ABHD2: variants seen among roughly 807,000 people sequenced by gnomAD.
The protein encoded by ABHD2 is monoacylglycerol lipase ABHD2.
In ABHD2, 20 loss-of-function variants were observed where a neutral mutation model predicts 48.1. That is an observed-to-expected ratio of 0.42 (90% CI 0.29 to 0.60). ABHD2 has a LOEUF of 0.60. Ranked by LOEUF, ABHD2 falls within the 20% of genes least tolerant of loss-of-function variation. ABHD2 has a pLI of 0.24. For missense variants in ABHD2, 405 were observed against 550.9 expected, an observed-to-expected ratio of 0.74 and a Z score of 2.65; for synonymous variants, 209 against 214.2, an observed-to-expected ratio of 0.98 and a Z score of 0.21.
At chr15:89,096,021 C>G (rs1386493822) in intron 1 of ABHD2, among the ~76,000 whole-genome samples, 1 of 152,158 alleles carries the variant, frequency 6.6e-6, no homozygotes, top group Non-Finnish European at 1.5e-5. Flanking sequence ...ATGAGAGCAT[C>G]ATGTGAAGTC....
chr15:89,109,159 G>C (rs1281900439), intron 1 of ABHD2, among the ~76,000 whole-genome samples: 1 of 152,180 alleles, frequency 6.6e-6, no homozygotes, highest in African/African-American at 2.4e-5. Context: ...AATGCTTTTA[G>C]CCAGGGGAGA....
At chr15:89,149,204 A>G (rs931886846) in intron 3 of ABHD2, among the ~76,000 whole-genome samples, 1 of 138,524 alleles carries the variant, frequency 7.2e-6, no homozygotes, top group Non-Finnish European at 1.5e-5. Flanking sequence ...TTGTGAGGCA[A>G]TTGATCCCTA....
chr15:89,165,478 C>A (rs774989897), intron 5 of ABHD2, among the ~76,000 whole-genome samples: 3 of 151,928 alleles, frequency 2.0e-5, no homozygotes, highest in Non-Finnish European at 4.4e-5. Flanking sequence ...TTGTGCCAAG[C>A]GAGGTGGCAT....
intron 6 of ABHD2, among the ~76,000 whole-genome samples, chr15:89,178,998 AAGAT>A (rs1372440570): frequency 1.2e-4 from 18 of 152,244 alleles, no homozygotes; most frequent in Admixed American, 1.2e-3. Flanking sequence ...TTGGGTGTAA[AAGAT>A]AGTCTGTATC....
chr15:89,059,084 A>G, the ABHD2 span, among the ~76,000 whole-genome samples: 1 of 152,290 alleles, frequency 6.6e-6, no homozygotes, highest in South Asian at 2.1e-4. Flanking sequence ...TGCTCTGAGG[A>G]CCTGACAAGA....
rs1173462508 is a variant in ABHD2, at chr15:89,176,898, G to T, written c.722+903G>T. On this transcript the variant is annotated intron_variant, in intron 6 of 10. Coordinates refer to ENST00000352732, the MANE Select transcript of ABHD2 (RefSeq NM_152924.5). This position sits in a 1 kb window ranked among gnomAD's most constrained non-coding sequence, Gnocchi z 4.5. ...TTATCGTTATTCAAAGAATCTTTTTGCCTCACCTGTATATCTCATGCTGCA... is the reference window on the plus strand; with the variant it reads ...TTATCGTTATTCAAAGAATCTTTTTTCCTCACCTGTATATCTCATGCTGCA... 6.6e-6 allele frequency among the ~76,000 whole-genome samples: 1 copy of T among 152,068 alleles called. No individual in the cohort carries two copies. Among genetic ancestry groups the T allele is most frequent in the Non-Finnish European group, 1.5e-5 (1 of 68,018 alleles).
intron 3 of ABHD2, among the ~76,000 whole-genome samples, chr15:89,134,776 G>A (rs976473564): frequency 6.6e-5 from 10 of 152,098 alleles, no homozygotes; most frequent in Non-Finnish European, 8.8e-5. Flanking sequence ...CTTTGAGCCC[G>A]AAAGAGCATT....
In ABHD2 at chr15:89,185,600, T is replaced by C; in HGVS notation, c.815+84T>C. 8.1e-7 allele frequency: 1 copy of C among 1,231,400 alleles called. No homozygotes were observed. Among genetic ancestry groups the C allele is most frequent in the Non-Finnish European group, 1.2e-6 (1 of 850,640 alleles). The allele number at this position is 1,231,400 out of a possible 1,614,324, so 76.3% of individuals were successfully genotyped here. ...GAACCGTGAAAAGCCAGGACTCCTG[T>C]TCCTTCAGGGGAAAAAAAAAAATGC... On this transcript the variant is annotated intron_variant, in intron 7 of 10. Transcript: ENST00000352732. This position sits in a 1 kb window ranked among gnomAD's most constrained non-coding sequence, Gnocchi z 5.9.
the ABHD2 span, among the ~76,000 whole-genome samples, chr15:89,045,929 C>T: frequency 6.6e-6 from 1 of 152,204 alleles, no homozygotes; most frequent in Non-Finnish European, 1.5e-5. Context: ...ACTTCCAACA[C>T]TATGTTGAAT....
In ABHD2 at chr15:89,151,191, A is replaced by T. The variant is rs1300672387; in HGVS notation, c.195-486A>T. ...AGAAGAATTTGCAGCCCTTCCCAGC[A>T]CTAACTGAGAGTAGCAGGTTTGGCT... On this transcript the variant is annotated intron_variant, in intron 3 of 10. Coordinates refer to ENST00000352732, the MANE Select transcript of ABHD2 (RefSeq NM_152924.5). The surrounding 1 kb of genome is among the most constrained non-coding windows in gnomAD (Gnocchi z 4.7). Among the ~76,000 whole-genome samples, 1 of 152,212 alleles carries T rather than the reference A, an allele frequency of 6.6e-6. No homozygotes were observed. Among genetic ancestry groups the T allele is most frequent in the Admixed American group, 6.5e-5 (1 of 15,284 alleles).
intron 3 of ABHD2, among the ~76,000 whole-genome samples, chr15:89,138,381 C>A (rs941522212): frequency 6.6e-6 from 1 of 152,218 alleles, no homozygotes; most frequent in Non-Finnish European, 1.5e-5. Context: ...AAAAATGTAT[C>A]CCCAAATCAA....
the ABHD2 span, among the ~76,000 whole-genome samples, chr15:89,050,046 G>C: frequency 1.3e-5 from 2 of 152,182 alleles, no homozygotes; most frequent in Non-Finnish European, 2.9e-5. Flanking sequence ...CATAGGTCTA[G>C]TCTAAGACTC....
chr15:89,069,199 C>G, the ABHD2 span, among the ~76,000 whole-genome samples: 1 of 149,636 alleles, frequency 6.7e-6, no homozygotes. Context: ...AATCATAGCT[C>G]ACTGCAGCCT....
the ABHD2 span, among the ~76,000 whole-genome samples, chr15:89,046,768 A>G: frequency 3.3e-5 from 5 of 151,724 alleles, no homozygotes; most frequent in Admixed American, 2.0e-4. Context: ...TTTTTATTGC[A>G]TCTATTTGAT....
rs900916069 is a variant in ABHD2, at chr15:89,094,687, G to A, written c.-107+6124G>A. Among the ~76,000 whole-genome samples the A allele has an allele frequency of 6.6e-6, 1 of 151,944 alleles. No individual in the cohort carries two copies. On this transcript the variant is annotated intron_variant, in intron 1 of 10. Transcript: ENST00000352732. This position sits in a 1 kb window ranked among gnomAD's most constrained non-coding sequence, Gnocchi z 4.7. The stretch of plus-strand genomic sequence containing the variant: ...CGCACCACTGCACTCCAGCCTGGGC[G>A]GCAGAGCAAGACTCCGTCTCAAAAC...
At chr15:89,125,698 C>T (rs1473369587) in intron 3 of ABHD2, among the ~76,000 whole-genome samples, 1 of 152,222 alleles carries the variant, frequency 6.6e-6, no homozygotes, top group Non-Finnish European at 1.5e-5. Context: ...ACCCTCTCAA[C>T]TACTCACTAT....
Position 89,195,155 on chromosome 15 carries a change from G to C in ABHD2, c.1082-72G>C, listed in dbSNP as rs2051377094. On this transcript the variant is annotated intron_variant, in intron 10 of 10. Coordinates refer to ENST00000352732, the MANE Select transcript of ABHD2 (RefSeq NM_152924.5). The surrounding 1 kb of genome is among the most constrained non-coding windows in gnomAD (Gnocchi z 5.1). ...GGGGACAGCCAGGCTACCCTAGCCAGCTCACCTCTGCACCTCCTGTCCTGG... is the reference window on the plus strand; with the variant it reads ...GGGGACAGCCAGGCTACCCTAGCCACCTCACCTCTGCACCTCCTGTCCTGG... 5 of 1,540,158 alleles carry C rather than the reference G, an allele frequency of 3.2e-6. No homozygotes were observed. Among genetic ancestry groups the C allele is most frequent in the Non-Finnish European group, 4.4e-6 (5 of 1,138,760 alleles).
the ABHD2 span, among the ~76,000 whole-genome samples, chr15:89,052,796 G>A: frequency 2.6e-5 from 4 of 152,084 alleles, no homozygotes; most frequent in Admixed American, 6.5e-5. Flanking sequence ...TGTGGTTTAA[G>A]CCACAGACCT....
At chr15:89,136,652 C>G (rs1336977786) in intron 3 of ABHD2, among the ~76,000 whole-genome samples, 5 of 152,236 alleles carry the variant, frequency 3.3e-5, no homozygotes, top group Admixed American at 3.3e-4. Context: ...TATAACATTG[C>G]TCTCCAGCCA....
Sources: gnomAD v4.1 joint callset for allele counts (sites outside exome capture counted in the v4.1 genomes callset) on GRCh38, gnomAD v4.1.1 for gene constraint, Gnocchi (gnomAD v3.1) non-coding constraint, MANE v1.5 for transcripts, NCBI Gene and HGNC (gene_info 2026-07-23, HGNC 2026-07-21) for gene names.